The following MICU1 variants were observed in gnomAD, a reference collection of about 807,000 sequenced individuals.
MICU1 encodes calcium uptake protein 1, mitochondrial.
In MICU1, 45 loss-of-function variants were observed where a neutral mutation model predicts 56.8. The ratio of observed to expected loss-of-function variants is 0.79; its 90% CI spans 0.62 to 1.02. The LOEUF is 1.02. Ranked by LOEUF, MICU1 falls within the 50% of genes least tolerant of loss-of-function variation. The pLI is 0.00. For synonymous variants in MICU1, 186 were observed against 195.1 expected (o/e 0.95, Z 0.39); for missense variants, 504 against 587.1 (o/e 0.86, Z 1.46).
intron 1 of MICU1, among the ~76,000 whole-genome samples, chr10:72,615,157 G>C (rs907814511): frequency 3.3e-5 from 5 of 152,072 alleles, no homozygotes; most frequent in African/African-American, 1.2e-4. Flanking sequence ...TCACTCTGTT[G>C]CCTAGGCTAG....
intron 9 of MICU1, among the ~76,000 whole-genome samples, chr10:72,409,118 C>A (rs1863725713): frequency 6.6e-6 from 1 of 152,132 alleles, no homozygotes; most frequent in Admixed American, 6.6e-5. Context: ...GAAATAAATG[C>A]AGTTTCTAAG....
At chr10:72,612,551 C>G (rs1841879012) in intron 1 of MICU1, among the ~76,000 whole-genome samples, 1 of 152,084 alleles carries the variant, frequency 6.6e-6, no homozygotes, top group African/African-American at 2.4e-5. Context: ...AATCCCAGAG[C>G]TTTGGGTGGC....
At chr10:72,522,429 G>A (rs537567455) in intron 5 of MICU1, among the ~76,000 whole-genome samples, 1 of 152,184 alleles carries the variant, frequency 6.6e-6, no homozygotes, top group South Asian at 2.1e-4. Context: ...AAATAAAAAT[G>A]GATGTAAAGA....
At chr10:72,449,370 C>G (rs995701510) in intron 8 of MICU1, among the ~76,000 whole-genome samples, 4 of 152,046 alleles carry the variant, frequency 2.6e-5, no homozygotes, top group Non-Finnish European at 5.9e-5. Flanking sequence ...TGCACTCCGG[C>G]CTGGGTGACA....
intron 5 of MICU1, among the ~76,000 whole-genome samples, chr10:72,530,693 T>G (rs1014186520): frequency 7.9e-5 from 12 of 152,140 alleles, no homozygotes; most frequent in Non-Finnish European, 1.3e-4. Context: ...TCTAAAAGTA[T>G]TAGTGTCCAT....
chr10:72,562,914 G>A lies in MICU1; in HGVS notation c.311C>T (p.Ser104Phe), dbSNP rs770214965. 6.3e-7 allele frequency: 1 copy of A among 1,596,606 alleles called. No individual in the cohort carries two copies. Among genetic ancestry groups the A allele is most frequent in the Non-Finnish European group, 8.5e-7 (1 of 1,173,864 alleles). The change falls in exon 3 of 12, where the codon TCT becomes TTT. Residue 104 changes from serine to phenylalanine, a missense_variant. Transcript: ENST00000361114. ...TCATACTTTTCTGTCTCTGAATCCA[G>A]AACGTTTCTTCTTTTTCTCTTCTGG... ...PHPEEKKKKR[S>F]GFRDRKVMEY...
intron 4 of MICU1, among the ~76,000 whole-genome samples, chr10:72,544,906 A>T (rs1029698304): frequency 7.2e-5 from 11 of 152,206 alleles, no homozygotes; most frequent in Non-Finnish European, 1.6e-4. Flanking sequence ...AAAACTGCTT[A>T]ATTTTAGGGC....
At chr10:72,433,113 A>C (rs1864597233) in intron 8 of MICU1, among the ~76,000 whole-genome samples, 1 of 144,174 alleles carries the variant, frequency 6.9e-6, no homozygotes, top group Non-Finnish European at 1.5e-5. Context: ...AATGTTTTGT[A>C]TTTTTTAGTA....
chr10:72,475,416 CT>C, intron 7 of MICU1, 119 bp from the exon 8 acceptor site: 1 of 938,126 alleles, frequency 1.1e-6, no homozygotes, highest in African/African-American at 1.9e-5. Context: ...ATAATTATCT[CT>C]TTTAATGCTT....
intron 4 of MICU1, among the ~76,000 whole-genome samples, 188 bp downstream of exon 4, chr10:72,550,991 T>C (rs763403203): frequency 1.3e-5 from 2 of 152,224 alleles, no homozygotes; most frequent in Non-Finnish European, 2.9e-5. Flanking sequence ...TGGTTGCAGA[T>C]TGCCACATTA....
At chr10:72,495,169 G>T (rs1866795375) in intron 6 of MICU1, among the ~76,000 whole-genome samples, 1 of 136,540 alleles carries the variant, frequency 7.3e-6, no homozygotes, top group African/African-American at 2.9e-5. Flanking sequence ...TCAAATTCAT[G>T]TTACTATTTT....
chr10:72,559,181 C>T (rs989605654), intron 3 of MICU1, among the ~76,000 whole-genome samples: 1 of 152,004 alleles, frequency 6.6e-6, no homozygotes, highest in Non-Finnish European at 1.5e-5. Context: ...GAGCAAGACT[C>T]TCTCTCCAAA....
Position 72,396,064 on chromosome 10 carries a change from G to C in MICU1, c.1180+11865C>G, listed in dbSNP as rs117380862. ...ACCTCATACAGGCGGCTGCCTCTCT[G>C]GGAGGACGCTTCCAGAGGAAGGATC... is the stretch of plus-strand genomic sequence containing the variant. On this transcript the variant is annotated intron_variant, in intron 10 of 11. Coordinates refer to ENST00000361114, the MANE Select transcript of MICU1 (RefSeq NM_001195518.2). Among the ~76,000 whole-genome samples the C allele has an allele frequency of 6.0e-3, 914 of 152,320 alleles. 8 individuals are homozygous for C. The highest frequency in any genetic ancestry group is 0.033 in the East Asian group (172 of 5,180).
chr10:72,483,827 A>AG (rs1384872418), intron 6 of MICU1: 2 of 152,376 alleles, frequency 1.3e-5, no homozygotes, highest in East Asian at 3.9e-4. Context: ...CCCAGTACTG[A>AG]GGTCACCTAT....
At chr10:72,418,137 A>G (rs1864043842) in intron 9 of MICU1, among the ~76,000 whole-genome samples, 1 of 152,170 alleles carries the variant, frequency 6.6e-6, no homozygotes, top group African/African-American at 2.4e-5. Flanking sequence ...CCCATGATTC[A>G]ATTATCTCCA....
chr10:72,570,609 T>C (rs888926038), intron 1 of MICU1, among the ~76,000 whole-genome samples: 1 of 152,206 alleles, frequency 6.6e-6, no homozygotes. Context: ...TATAATCTCT[T>C]ATGTAAACTT....
chr10:72,461,179 C>A (rs947223044), intron 8 of MICU1, among the ~76,000 whole-genome samples: 19 of 152,264 alleles, frequency 1.2e-4, no homozygotes, highest in African/African-American at 4.6e-4. Flanking sequence ...AGTCTCTTTA[C>A]CAGCATCAGA....
At chr10:72,596,221 C>T (rs1288619112) in intron 1 of MICU1, among the ~76,000 whole-genome samples, 1 of 152,098 alleles carries the variant, frequency 6.6e-6, no homozygotes, top group East Asian at 1.9e-4. Flanking sequence ...ATGGTCTGCC[C>T]GCCTCAGCCT....
intron 8 of MICU1, among the ~76,000 whole-genome samples, chr10:72,423,681 A>ATGT (rs1864252957): frequency 6.6e-6 from 1 of 152,162 alleles, no homozygotes; most frequent in Non-Finnish European, 1.5e-5. Flanking sequence ...TAGCCTCTAG[A>ATGT]TGTTTATGGT....
Sources: allele counts gnomAD v4.1 joint callset (sites outside exome capture counted in the v4.1 genomes callset), GRCh38; gene constraint gnomAD v4.1.1; transcripts MANE v1.5; gene names NCBI Gene and HGNC (gene_info 2026-07-23, HGNC 2026-07-21).